KIRREL3: variants seen among roughly 807,000 people sequenced by gnomAD.
KIRREL3 encodes the protein kin of IRRE-like protein 3.
In KIRREL3, 36 loss-of-function variants were observed where a neutral mutation model predicts 89.7. The observed-to-expected ratio is 0.40, with a 90% CI of 0.31 to 0.53. KIRREL3 has a LOEUF of 0.53. KIRREL3 is among the 20% of genes least tolerant of loss of function. The pLI is 0.49. For missense variants in KIRREL3, 864 were observed against 1,056.6 expected (o/e 0.82, Z 2.53); for synonymous variants, 445 against 441.4 (o/e 1.01, Z -0.10).
intron 1 of KIRREL3, among the ~76,000 whole-genome samples, chr11:126,804,116 A>G (rs1018102591): frequency 1.1e-4 from 16 of 152,236 alleles, no homozygotes; most frequent in African/African-American, 2.7e-4. Flanking sequence ...CTGTATTTCA[A>G]TAAGGGCATG....
intron 1 of KIRREL3, among the ~76,000 whole-genome samples, chr11:126,718,823 G>C (rs2134164592): frequency 6.6e-6 from 1 of 152,256 alleles, no homozygotes; most frequent in East Asian, 1.9e-4. Flanking sequence ...CCGGCCAGGA[G>C]CCCCATTGAT....
Position 126,530,209 on chromosome 11 carries a change from T to C in KIRREL3, c.134-3522A>G, listed in dbSNP as rs1958900346. Reference sequence around the variant, plus strand: ...AAGTGATTCTCCTGCCTCAGCCTCCTGAGCAGCTGGGATTACAGGTATGCA... The same window carrying C: ...AAGTGATTCTCCTGCCTCAGCCTCCCGAGCAGCTGGGATTACAGGTATGCA... On this transcript the variant is annotated intron_variant, in intron 2 of 16. Transcript: ENST00000525144. The surrounding 1 kb of genome is among the most constrained non-coding windows in gnomAD (Gnocchi z 5.8). Among the ~76,000 whole-genome samples, 1 of 152,140 alleles carries C rather than the reference T, an allele frequency of 6.6e-6. No homozygotes were observed. Among genetic ancestry groups the C allele is most frequent in the Non-Finnish European group, 1.5e-5 (1 of 68,006 alleles).
intron 1 of KIRREL3, among the ~76,000 whole-genome samples, chr11:126,933,122 G>A (rs1264569508): frequency 3.9e-5 from 6 of 152,224 alleles, no homozygotes; most frequent in South Asian, 2.1e-4. Context: ...AGAAAAAGAC[G>A]TCCAAATTAA....
Position 126,642,913 on chromosome 11 carries a change from A to T in KIRREL3, c.56-80001T>A, listed in dbSNP as rs368327806. Among the ~76,000 whole-genome samples, 1 of 152,226 alleles carries T rather than the reference A, an allele frequency of 6.6e-6. No individual in the cohort carries two copies. Among genetic ancestry groups the T allele is most frequent in the Non-Finnish European group, 1.5e-5 (1 of 68,032 alleles). ...TGAGAAATTCAAAGGTGAACCAAGCATGGTTCCAGAGTACAAGGATCCTAC... is the reference window on the plus strand; with the variant it reads ...TGAGAAATTCAAAGGTGAACCAAGCTTGGTTCCAGAGTACAAGGATCCTAC... On this transcript the variant is annotated intron_variant, in intron 1 of 16. Coordinates refer to ENST00000525144, the MANE Select transcript of KIRREL3 (RefSeq NM_032531.4). The surrounding 1 kb of genome is among the most constrained non-coding windows in gnomAD (Gnocchi z 4.9).
rs1436671297 is a variant in KIRREL3, at chr11:126,484,534, C to A, written c.434-11068G>T. 6.6e-6 allele frequency among the ~76,000 whole-genome samples: 1 copy of A among 152,176 alleles called. No homozygotes were observed. The highest frequency in any genetic ancestry group is 6.5e-5 in the Admixed American group (1 of 15,268). On this transcript the variant is annotated intron_variant, in intron 4 of 16. Transcript: ENST00000525144. The surrounding 1 kb of genome is among the most constrained non-coding windows in gnomAD (Gnocchi z 5.2). ...CCAACATCACATAGCTAGTAAGCAG[C>A]AGAGCTGGGATATGGGTAGGGTTTC...
At position 126,719,486 on chromosome 11, in the gene KIRREL3, CA is replaced by C. The variant is rs1948089618; in HGVS notation, c.56-156575del. Among the ~76,000 whole-genome samples, 1 of 152,206 alleles carries C rather than the reference CA, an allele frequency of 6.6e-6. No individual in the cohort carries two copies. The highest frequency in any genetic ancestry group is 2.4e-5 in the African/African-American group (1 of 41,440). On this transcript the variant is annotated intron_variant, in intron 1 of 16. Transcript: ENST00000525144. This position sits in a 1 kb window ranked among gnomAD's most constrained non-coding sequence, Gnocchi z 4.7. Reference sequence around the variant, plus strand: ...CTGCCTAGGTGATCTTACTTAGTCCCATGGCTTTCATTCCACCCGCATGCTG... The same window carrying C: ...CTGCCTAGGTGATCTTACTTAGTCCCTGGCTTTCATTCCACCCGCATGCTG...
chr11:126,719,114 C>G lies in KIRREL3; in HGVS notation c.56-156202G>C, dbSNP rs556525339. ...TTTACAGAACTCAGAAGAGCTGTCT[C>G]TCACTGTCTCCTTCATCTAGACAAA... On this transcript the variant is annotated intron_variant, in intron 1 of 16. Coordinates refer to ENST00000525144, the MANE Select transcript of KIRREL3 (RefSeq NM_032531.4). The surrounding 1 kb of genome is among the most constrained non-coding windows in gnomAD (Gnocchi z 4.7). Among the ~76,000 whole-genome samples the G allele has an allele frequency of 3.3e-5, 5 of 152,356 alleles. No homozygotes were observed. Among genetic ancestry groups the G allele is most frequent in the Admixed American group, 2.0e-4 (3 of 15,296 alleles).
intron 1 of KIRREL3, among the ~76,000 whole-genome samples, chr11:126,649,534 A>G (rs909380292): frequency 6.6e-6 from 1 of 152,236 alleles, no homozygotes; most frequent in East Asian, 1.9e-4. Flanking sequence ...TACAAGGCCC[A>G]TGCAAGTCTG....
chr11:126,613,383 T>G (rs1943211925), intron 1 of KIRREL3, among the ~76,000 whole-genome samples: 2 of 152,200 alleles, frequency 1.3e-5, no homozygotes, highest in African/African-American at 4.8e-5. Context: ...ATTTGGCTAA[T>G]GAGTTCTAAT....
intron 1 of KIRREL3, among the ~76,000 whole-genome samples, chr11:126,810,918 C>T (rs558997507): frequency 6.6e-6 from 1 of 152,184 alleles, no homozygotes; most frequent in African/African-American, 2.4e-5. Context: ...AGCCCGGGCT[C>T]TCTCCCTGAC....
intron 1 of KIRREL3, among the ~76,000 whole-genome samples, chr11:126,857,071 C>A (rs967471512): frequency 6.6e-6 from 1 of 152,246 alleles, no homozygotes; most frequent in African/African-American, 2.4e-5. Context: ...GAGAGAGCAT[C>A]TGCATTTGAG....
chr11:126,671,466 A>C (rs985506061), intron 1 of KIRREL3, among the ~76,000 whole-genome samples: 2 of 152,252 alleles, frequency 1.3e-5, no homozygotes, highest in Non-Finnish European at 2.9e-5. Context: ...GCTCTGCTGA[A>C]GACATTCTTA....
At chr11:126,875,612 C>T (rs1186229717) in intron 1 of KIRREL3, among the ~76,000 whole-genome samples, 1 of 152,166 alleles carries the variant, frequency 6.6e-6, no homozygotes, top group Non-Finnish European at 1.5e-5. Context: ...AAAGTCAAAC[C>T]TTTATCAACA....
chr11:126,983,390 A>G lies in KIRREL3; in HGVS notation c.55+17065T>C, dbSNP rs914667191. 3.3e-5 allele frequency among the ~76,000 whole-genome samples: 5 copies of G among 152,230 alleles called. No homozygotes were observed. Among genetic ancestry groups the G allele is most frequent in the Non-Finnish European group, 1.5e-5 (1 of 68,040 alleles). On this transcript the variant is annotated intron_variant, in intron 1 of 16. Coordinates refer to ENST00000525144, the MANE Select transcript of KIRREL3 (RefSeq NM_032531.4). This position sits in a 1 kb window ranked among gnomAD's most constrained non-coding sequence, Gnocchi z 4.9. ...TGCCTTTGGTTCTTGCGGTAGACAGAATAATGGCCGCCAAAGATGCCCATG... is the reference window on the plus strand; with the variant it reads ...TGCCTTTGGTTCTTGCGGTAGACAGGATAATGGCCGCCAAAGATGCCCATG...
At chr11:126,928,559 G>C (rs1279996856) in intron 1 of KIRREL3, among the ~76,000 whole-genome samples, 1 of 152,172 alleles carries the variant, frequency 6.6e-6, no homozygotes, top group African/African-American at 2.4e-5. Flanking sequence ...TGAAGCCTGG[G>C]ACCCCGACGT....
rs1948867798 is a variant in KIRREL3, at chr11:126,954,559, A to G, written c.55+45896T>C. Among the ~76,000 whole-genome samples the G allele has an allele frequency of 6.6e-6, 1 of 151,736 alleles. No individual in the cohort carries two copies. The highest frequency in any genetic ancestry group is 1.5e-5 in the Non-Finnish European group (1 of 67,984). ...CCTTTATCCAAGCTGGGTAGAACAGATGGCCCAGAAAGCGCAAACCCACCT... is the reference window on the plus strand; with the variant it reads ...CCTTTATCCAAGCTGGGTAGAACAGGTGGCCCAGAAAGCGCAAACCCACCT... On this transcript the variant is annotated intron_variant, in intron 1 of 16. Transcript: ENST00000525144. This position sits in a 1 kb window ranked among gnomAD's most constrained non-coding sequence, Gnocchi z 4.1.
At chr11:126,499,274 G>A (rs1021124539) in intron 4 of KIRREL3, among the ~76,000 whole-genome samples, 52 of 152,060 alleles carry the variant, frequency 3.4e-4, no homozygotes, top group Admixed American at 2.7e-3. Flanking sequence ...AAAATCCATT[G>A]GGTGACTCTC....
rs1337251637 is a variant in KIRREL3, at chr11:126,429,285, A to C, written c.1700T>G (p.Leu567Arg). Residue 567 changes from leucine (L) to arginine (R), a missense_variant, in exon 15 of 17, where the codon CTC (leucine) becomes CGC (arginine). Physicochemically the swap from Leu to Arg is moderately radical, Grantham distance 102. Transcript: ENST00000525144. The surrounding 1 kb of genome is among the most constrained non-coding windows in gnomAD (Gnocchi z 5.2). The part of the protein sequence containing the change: ...AFCCARSQRN[L>R]KGVVSAKNDI... ...ATTTTTGGCTGACACAACACCTTTG[A>C]GATCTGGAGATAAAATAGTAAAGTG... 1 of 1,603,810 alleles carries C rather than the reference A, an allele frequency of 6.2e-7. No homozygotes were observed. The highest frequency in any genetic ancestry group is 1.7e-5 in the Admixed American group (1 of 60,020).
chr11:126,781,204 T>C (rs1247124464), intron 1 of KIRREL3, among the ~76,000 whole-genome samples: 1 of 152,206 alleles, frequency 6.6e-6, no homozygotes, highest in Non-Finnish European at 1.5e-5. Flanking sequence ...TGTGTGATGT[T>C]GGACACATAA....
Sources: allele counts gnomAD v4.1 joint callset (sites outside exome capture counted in the v4.1 genomes callset), GRCh38; gene constraint gnomAD v4.1.1; non-coding constraint Gnocchi (gnomAD v3.1); transcripts MANE v1.5; gene names NCBI Gene and HGNC (gene_info 2026-07-23, HGNC 2026-07-21).